GPC5: variants seen among roughly 807,000 people sequenced by gnomAD.
The protein encoded by GPC5 is glypican 5.
A neutral mutation model predicts 53.9 loss-of-function variants in GPC5; 47 were observed. The observed-to-expected ratio is 0.87, with a 90% CI of 0.69 to 1.11. The LOEUF (loss-of-function observed/expected upper bound fraction) is 1.11, where lower values mean the gene tolerates loss of function less well. Among genes scored for constraint, GPC5 ranks in the 50% most tolerant of loss-of-function variants. GPC5 has a pLI of 0.00. For missense variants in GPC5, 748 were observed against 713.1 expected, an observed-to-expected ratio of 1.05 and a Z score of -0.56; for synonymous variants, 286 against 263.3, an observed-to-expected ratio of 1.09 and a Z score of -0.84.
chr13:92,247,853 G>A (rs1316929602), intron 7 of GPC5, among the ~76,000 whole-genome samples: 1 of 152,084 alleles, frequency 6.6e-6, no homozygotes, highest in South Asian at 2.1e-4. Context: ...CAATATGGAA[G>A]CAGCATTGAT....
intron 4 of GPC5, among the ~76,000 whole-genome samples, chr13:91,748,946 A>C (rs2037110202): frequency 6.6e-6 from 1 of 152,114 alleles, no homozygotes; most frequent in Non-Finnish European, 1.5e-5. Context: ...GTGTGTGTGA[A>C]TAGAGAGAAG....
At chr13:92,298,279 TCCTTC>T (rs1181220678) in intron 7 of GPC5, among the ~76,000 whole-genome samples, 1 of 152,164 alleles carries the variant, frequency 6.6e-6, no homozygotes, top group African/African-American at 2.4e-5. Context: ...ACGGCTTTCC[TCCTTC>T]CCCTGACTGT....
intron 2 of GPC5, among the ~76,000 whole-genome samples, chr13:91,478,906 C>CACATATATATATATATAT (rs1883146104): frequency 1.7e-5 from 1 of 59,964 alleles, no homozygotes; most frequent in African/African-American, 4.8e-5. Context: ...TATATATGCA[C>CACATATATATATATATAT]ATATATATAT....
chr13:91,925,435 C>A (rs2039757595), intron 6 of GPC5, among the ~76,000 whole-genome samples: 1 of 152,096 alleles, frequency 6.6e-6, no homozygotes, highest in African/African-American at 2.4e-5. Context: ...TTCACTCATC[C>A]TTCCATTAAT....
At chr13:92,267,310 AC>A (rs2042809474) in intron 7 of GPC5, among the ~76,000 whole-genome samples, 1 of 151,948 alleles carries the variant, frequency 6.6e-6, no homozygotes, top group Admixed American at 6.6e-5. Context: ...TTTTTCTTTA[AC>A]CTGTTCTCAA....
intron 7 of GPC5, among the ~76,000 whole-genome samples, chr13:92,553,676 A>C (rs1882396988): frequency 2.0e-5 from 3 of 151,982 alleles, no homozygotes; most frequent in Admixed American, 2.0e-4. Flanking sequence ...AGATGACTCA[A>C]TCTTTCTGAG....
At chr13:92,233,651 CT>C (rs1336149468) in intron 7 of GPC5, among the ~76,000 whole-genome samples, 14 of 151,964 alleles carry the variant, frequency 9.2e-5, no homozygotes, top group South Asian at 6.2e-4. Context: ...CTGGATGTTA[CT>C]TTTTATTTAT....
At chr13:92,568,088 G>T (rs1021724102) in intron 7 of GPC5, among the ~76,000 whole-genome samples, 1 of 152,122 alleles carries the variant, frequency 6.6e-6, no homozygotes, top group African/African-American at 2.4e-5. Flanking sequence ...CTGGCAGGCT[G>T]AGGCAGGAGA....
At chr13:91,643,286 T>C (rs972096144) in intron 2 of GPC5, among the ~76,000 whole-genome samples, 5 of 152,260 alleles carry the variant, frequency 3.3e-5, no homozygotes, top group Non-Finnish European at 5.9e-5. Flanking sequence ...ATTTCCATTG[T>C]CAATGAAAGA....
chr13:92,068,151 TA>T (rs1381841207), intron 6 of GPC5, among the ~76,000 whole-genome samples: 2 of 151,976 alleles, frequency 1.3e-5, no homozygotes, highest in African/African-American at 4.8e-5. Context: ...TTATCACATG[TA>T]GATTGAACCT....
intron 2 of GPC5, among the ~76,000 whole-genome samples, chr13:91,605,273 G>C (rs1039488621): frequency 1.4e-5 from 2 of 147,784 alleles, no homozygotes; most frequent in African/African-American, 5.0e-5. Flanking sequence ...TAGAGATGCG[G>C]CGTTATTTCT....
At chr13:91,811,895 C>A (rs912253832) in intron 5 of GPC5, among the ~76,000 whole-genome samples, 1 of 152,178 alleles carries the variant, frequency 6.6e-6, no homozygotes, top group Non-Finnish European at 1.5e-5. Flanking sequence ...TACATCACAG[C>A]GAAGATCTAA....
intron 7 of GPC5, among the ~76,000 whole-genome samples, chr13:92,691,539 G>A (rs1223853077): frequency 1.3e-5 from 2 of 151,858 alleles, no homozygotes; most frequent in Non-Finnish European, 2.9e-5. Flanking sequence ...CGTCGCTCAC[G>A]CTGGGAGCTG....
At chr13:92,838,218 C>T (rs1407141314) in intron 7 of GPC5, among the ~76,000 whole-genome samples, 3 of 152,062 alleles carry the variant, frequency 2.0e-5, no homozygotes, top group Non-Finnish European at 2.9e-5. Context: ...GGCACGGTGG[C>T]TCACGCCTGT....
chr13:92,213,401 C>T (rs560914628), intron 7 of GPC5, among the ~76,000 whole-genome samples: 3 of 152,050 alleles, frequency 2.0e-5, no homozygotes, highest in Non-Finnish European at 4.4e-5. Flanking sequence ...AAAAGAATGC[C>T]TTGTAACAGA....
At chr13:91,763,077 A>T (rs572806426) in intron 5 of GPC5, among the ~76,000 whole-genome samples, 4 of 152,348 alleles carry the variant, frequency 2.6e-5, no homozygotes, top group African/African-American at 9.6e-5. Flanking sequence ...TTTGAAGATA[A>T]CAAGACTCTG....
At chr13:91,432,916 G>C (rs9589230) in intron 1 of GPC5, among the ~76,000 whole-genome samples, 6,583 of 152,150 alleles carry the variant, frequency 0.043, 186 homozygotes, top group South Asian at 0.13. Flanking sequence ...TAAGACGGTG[G>C]CTTATTAAGT....
At chr13:91,901,746 G>A (rs1402074276) in intron 5 of GPC5, among the ~76,000 whole-genome samples, 1 of 151,900 alleles carries the variant, frequency 6.6e-6, no homozygotes, top group African/African-American at 2.4e-5. Context: ...CTCCTTTTAA[G>A]CCAAGATAGC....
intron 7 of GPC5, among the ~76,000 whole-genome samples, chr13:92,825,433 A>C (rs1017235502): frequency 4.6e-5 from 7 of 152,138 alleles, no homozygotes; most frequent in Admixed American, 2.0e-4. Flanking sequence ...AAAAAAATGC[A>C]AATGTTATTA....
Sources: gnomAD v4.1 joint callset for allele counts (sites outside exome capture counted in the v4.1 genomes callset) on GRCh38, gnomAD v4.1.1 for gene constraint, MANE v1.5 for transcripts, NCBI Gene and HGNC (gene_info 2026-07-23, HGNC 2026-07-21) for gene names.